TBXAS1: variants seen among roughly 807,000 people sequenced by gnomAD.
The protein encoded by TBXAS1 is thromboxane A synthase 1.
A neutral mutation model predicts 60.7 loss-of-function variants in TBXAS1; 48 were observed. The ratio of observed to expected loss-of-function variants is 0.79; its 90% confidence interval spans 0.63 to 1.01. TBXAS1 has a LOEUF of 1.01. TBXAS1 is among the 50% of genes least tolerant of loss of function. TBXAS1 has a pLI of 0.00. For missense variants in TBXAS1, 685 were observed against 686.3 expected, an observed-to-expected ratio of 1.00 and a Z score of 0.02; for synonymous variants, 287 against 269.7, an observed-to-expected ratio of 1.06 and a Z score of -0.63.
chr7:139,886,010 A>C (rs1004516476), intron 3 of TBXAS1, among the ~76,000 whole-genome samples: 1 of 152,166 alleles, frequency 6.6e-6, no homozygotes, highest in Non-Finnish European at 1.5e-5. Context: ...AAATCTTTTA[A>C]AGTTTGGGTT....
intron 3 of TBXAS1, among the ~76,000 whole-genome samples, chr7:139,906,442 T>C (rs759388123): frequency 6.6e-6 from 1 of 152,120 alleles, no homozygotes; most frequent in African/African-American, 2.4e-5. Context: ...TGAGCATATA[T>C]ATGTGGGTCT....
intron 4 of TBXAS1, among the ~76,000 whole-genome samples, chr7:139,914,547 C>T (rs533783975): frequency 6.6e-6 from 1 of 151,826 alleles, no homozygotes; most frequent in African/African-American, 2.4e-5. Flanking sequence ...TAACCTCTCC[C>T]TCTACACAGT....
chr7:139,871,273 A>G lies in TBXAS1; in HGVS notation c.90-962A>G, dbSNP rs192031425. 6.4e-4 allele frequency among the ~76,000 whole-genome samples: 98 copies of G among 152,356 alleles called. 1 individual carries two copies. The highest frequency in any genetic ancestry group is 2.3e-3 in the African/African-American group (97 of 41,586). Reference sequence around the variant, plus strand: ...TAATAGTTTGAGTTTCAATACACACAGAAAGCTAGATTGTACTGATAGTCT... The same window carrying G: ...TAATAGTTTGAGTTTCAATACACACGGAAAGCTAGATTGTACTGATAGTCT... On this transcript the variant is annotated intron_variant, in intron 1 of 12. Coordinates refer to ENST00000448866, the MANE Select transcript of TBXAS1 (RefSeq NM_001061.7).
chr7:140,010,551 A>T (rs10480350), intron 10 of TBXAS1, among the ~76,000 whole-genome samples: 147,363 of 152,292 alleles, frequency 0.97, 71,317 homozygotes, highest in East Asian at 1. Context: ...CCAGAAAAGA[A>T]GAACAAGCAG....
chr7:139,967,607 C>A (rs969579041), intron 9 of TBXAS1, among the ~76,000 whole-genome samples: 1 of 152,306 alleles, frequency 6.6e-6, no homozygotes, highest in South Asian at 2.1e-4. Flanking sequence ...AATCTTTGGA[C>A]CCCAGAGGAA....
intron 3 of TBXAS1, among the ~76,000 whole-genome samples, chr7:139,889,262 A>C (rs1010442103): frequency 6.6e-6 from 1 of 151,984 alleles, no homozygotes; most frequent in African/African-American, 2.4e-5. Flanking sequence ...TGAGCCAGGA[A>C]GGCAGAGGCT....
chr7:139,816,466 T>C (rs956944147), intron 4 of TBXAS1, among the ~76,000 whole-genome samples: 5 of 152,194 alleles, frequency 3.3e-5, no homozygotes, highest in Non-Finnish European at 5.9e-5. Context: ...ATCTAATGTG[T>C]AGATTCTTAT....
intron 4 of TBXAS1, 129 bp downstream of exon 4, chr7:139,911,450 G>A (rs949878969): frequency 2.4e-5 from 20 of 831,382 alleles, no homozygotes; most frequent in Non-Finnish European, 3.5e-5. Flanking sequence ...TCAAAACTAA[G>A]CTCCTCAGTG....
chr7:139,860,484 G>A (rs1339810184), intron 1 of TBXAS1, among the ~76,000 whole-genome samples: 3 of 152,208 alleles, frequency 2.0e-5, no homozygotes, highest in Non-Finnish European at 2.9e-5. Flanking sequence ...ACCTTAGATG[G>A]CAGAACTGAT....
chr7:139,900,834 C>T (rs1395665003), intron 3 of TBXAS1, among the ~76,000 whole-genome samples: 2 of 152,194 alleles, frequency 1.3e-5, no homozygotes, highest in African/African-American at 4.8e-5. Flanking sequence ...CAGAGCTTTT[C>T]ACCCCAGCAT....
intron 4 of TBXAS1, among the ~76,000 whole-genome samples, chr7:139,924,022 C>T (rs573154403): frequency 2.0e-5 from 3 of 152,254 alleles, no homozygotes; most frequent in Non-Finnish European, 2.9e-5. Flanking sequence ...ATATGTACCA[C>T]GTTTTCTTTA....
intron 1 of TBXAS1, among the ~76,000 whole-genome samples, chr7:139,850,114 G>A (rs1297383396): frequency 2.0e-5 from 3 of 152,152 alleles, no homozygotes; most frequent in South Asian, 2.1e-4. Flanking sequence ...ATTACACATC[G>A]TGAATTTAAC....
rs1231193043 is a variant in TBXAS1 at position 140,007,863 on chromosome 7, C to CA, written c.1226+682dup. 2.0e-5 allele frequency among the ~76,000 whole-genome samples: 3 copies of CA among 152,312 alleles called. No homozygotes were observed. The East Asian group carries it at 5.8e-4, about 29-fold the overall frequency. On this transcript the variant is annotated intron_variant, in intron 10 of 12. Transcript: ENST00000448866. Reference sequence around the variant, plus strand: ...CACTCCATGACATTTCACTAATGTACACACCAACCAGCCGGTCACACCAAC... The same window carrying CA: ...CACTCCATGACATTTCACTAATGTACAACACCAACCAGCCGGTCACACCAAC...
intron 4 of TBXAS1, among the ~76,000 whole-genome samples, chr7:139,815,409 T>C (rs1798120764): frequency 6.6e-6 from 1 of 152,242 alleles, no homozygotes; most frequent in South Asian, 2.1e-4. Context: ...GTTCCCTCTT[T>C]TGAAATGTAT....
chr7:139,817,712 C>G (rs1338827488), intron 4 of TBXAS1, among the ~76,000 whole-genome samples: 1 of 152,224 alleles, frequency 6.6e-6, no homozygotes, highest in Non-Finnish European at 1.5e-5. Context: ...CAAGAACTCA[C>G]TGCTCTCTCT....
At chr7:139,888,932 T>TA (rs3216467) in intron 3 of TBXAS1, among the ~76,000 whole-genome samples, 109 of 147,398 alleles carry the variant, frequency 7.4e-4, no homozygotes, top group South Asian at 7.0e-3. Context: ...GGAATTGAGT[T>TA]AAAAAAAAAA....
chr7:139,957,765 G>A lies in TBXAS1; in HGVS notation c.819+1G>A, dbSNP rs757653561. The A allele has an allele frequency of 1.9e-6, 3 of 1,614,062 alleles. No individual in the cohort carries two copies. The highest frequency in any genetic ancestry group is 2.5e-6 in the Non-Finnish European group (3 of 1,180,020). ...GCGGGACCAGCAAGCTGCCGAAGAG[G>A]TAACGTATTTTAATAGGACACAGCC... On this transcript the variant is annotated splice_donor_variant, in intron 8 of 12. Transcript: ENST00000448866. LOFTEE classifies it high-confidence loss of function.
chr7:139,842,481 C>T (rs1010823047), intron 1 of TBXAS1, among the ~76,000 whole-genome samples: 1 of 152,184 alleles, frequency 6.6e-6, no homozygotes, highest in Non-Finnish European at 1.5e-5. Flanking sequence ...TCTATGGGAA[C>T]CCTGGTAGCC....
chr7:139,899,224 CCCCAT>C (rs1218118492), intron 3 of TBXAS1, among the ~76,000 whole-genome samples: 3 of 152,102 alleles, frequency 2.0e-5, no homozygotes. Flanking sequence ...TAACAGAGCT[CCCCAT>C]ACTATTTTAC....
Sources: allele counts gnomAD v4.1 joint callset (sites outside exome capture counted in the v4.1 genomes callset), GRCh38; gene constraint gnomAD v4.1.1; transcripts MANE v1.5; gene names NCBI Gene and HGNC (gene_info 2026-07-23, HGNC 2026-07-21).